RUNX1: variants seen among roughly 807,000 people sequenced by gnomAD.
RUNX1 encodes the protein RUNX family transcription factor 1.
Under a neutral mutation model 42.8 loss-of-function variants are expected in RUNX1, and 19 were observed. The observed-to-expected ratio is 0.44, with a 90% CI of 0.31 to 0.65. RUNX1 has a LOEUF of 0.65. Among genes scored for constraint, RUNX1 ranks in the 30% least tolerant of loss-of-function variants. RUNX1 has a pLI of 0.07. For synonymous variants in RUNX1, 271 were observed against 289.4 expected, an observed-to-expected ratio of 0.94 and a Z score of 0.64; for missense variants, 528 against 672.0, an observed-to-expected ratio of 0.79 and a Z score of 2.37.
intron 7 of RUNX1, chr21:34,821,635 G>T (rs760382597): frequency 6.4e-7 from 1 of 1,561,608 alleles, no homozygotes. Flanking sequence ...TCCTGGCTGG[G>T]GAGAGGGATG....
chr21:34,866,608 C>T (rs1569068118), intron 5 of RUNX1, among the ~76,000 whole-genome samples: 1 of 152,200 alleles, frequency 6.6e-6, no homozygotes, highest in Non-Finnish European at 1.5e-5. Flanking sequence ...TGCTCCTCTT[C>T]CATTTCCTTA....
intron 2 of RUNX1, among the ~76,000 whole-genome samples, chr21:34,977,762 C>T (rs1370348418): frequency 6.6e-6 from 1 of 152,162 alleles, no homozygotes; most frequent in African/African-American, 2.4e-5. Flanking sequence ...TGGAGAATGT[C>T]GCTGGAGAGG....
chr21:35,044,294 T>C (rs1220784212), intron 2 of RUNX1, among the ~76,000 whole-genome samples: 1 of 152,106 alleles, frequency 6.6e-6, no homozygotes, highest in Non-Finnish European at 1.5e-5. Flanking sequence ...TGTGTCCCTC[T>C]CTCCAGGGAG....
chr21:34,964,626 T>G (rs752152556), intron 2 of RUNX1, among the ~76,000 whole-genome samples: 1 of 152,120 alleles, frequency 6.6e-6, no homozygotes, highest in Admixed American at 6.5e-5. Flanking sequence ...AGTACAAAGT[T>G]GAGGGAGGCA....
intron 2 of RUNX1, among the ~76,000 whole-genome samples, chr21:34,911,278 A>G (rs1296688453): frequency 1.3e-5 from 2 of 152,160 alleles, no homozygotes; most frequent in East Asian, 1.9e-4. Context: ...CAATGTCGAC[A>G]ATACATTTAT....
chr21:34,931,777 A>G (rs1028207305), intron 2 of RUNX1, among the ~76,000 whole-genome samples: 9 of 151,862 alleles, frequency 5.9e-5, no homozygotes, highest in Admixed American at 2.0e-4. Flanking sequence ...GTGGCTGGCT[A>G]TCTGCATACC....
chr21:35,022,167 T>A (rs1035278687), intron 2 of RUNX1, among the ~76,000 whole-genome samples: 1 of 152,166 alleles, frequency 6.6e-6, no homozygotes, highest in Admixed American at 6.5e-5. Flanking sequence ...AGGAGCTGAT[T>A]GGCGGTTCCG....
intron 4 of RUNX1, among the ~76,000 whole-genome samples, chr21:34,882,824 C>T (rs1464631918): frequency 6.6e-6 from 1 of 151,872 alleles, no homozygotes; most frequent in Non-Finnish European, 1.5e-5. Flanking sequence ...GTTGAAATGC[C>T]CTCTTTGAAC....
rs572823387 is a variant in RUNX1 at position 34,789,677 on chromosome 21, A to T, written c.*2458T>A. 7.3e-5 allele frequency: 17 copies of T among 233,244 alleles called. No homozygotes were observed. The highest frequency in any genetic ancestry group is 4.5e-4 in the Admixed American group (8 of 17,792). The allele number at this position is 233,244 out of a possible 1,614,324, so 14.4% of individuals were successfully genotyped here. A position where few individuals can be genotyped will look rare whatever the true frequency, so the allele number is the denominator to read the frequency against. On this transcript the variant is annotated 3_prime_UTR_variant, in exon 9 of 9. Transcript: ENST00000675419. ...AACAACTACAGTTTGATTTTTTTTG[A>T]AACAATTAAATACTATATATGCTGG...
At chr21:35,017,479 T>C (rs1036686863) in intron 2 of RUNX1, among the ~76,000 whole-genome samples, 5 of 152,166 alleles carry the variant, frequency 3.3e-5, no homozygotes, top group African/African-American at 1.2e-4. Flanking sequence ...CCTAAGCAAC[T>C]GGAAAACATG....
At chr21:34,903,349 T>A (rs2834665) in intron 2 of RUNX1, among the ~76,000 whole-genome samples, 1 of 152,022 alleles carries the variant, frequency 6.6e-6, no homozygotes, top group Non-Finnish European at 1.5e-5. Context: ...TAATTCCTAT[T>A]CAATAAACAG....
chr21:34,899,340 G>A (rs1431235288), intron 2 of RUNX1, among the ~76,000 whole-genome samples: 1 of 152,156 alleles, frequency 6.6e-6, no homozygotes, highest in African/African-American at 2.4e-5. Context: ...ATTAAGATGA[G>A]GTTGTGAGGC....
chr21:34,987,190 G>A (rs1307408076), intron 2 of RUNX1, among the ~76,000 whole-genome samples: 1 of 152,208 alleles, frequency 6.6e-6, no homozygotes, highest in East Asian at 1.9e-4. Context: ...TGGTTTCCAG[G>A]TCAGACAGTC....
intron 2 of RUNX1, among the ~76,000 whole-genome samples, chr21:34,903,287 A>C (rs1307731012): frequency 6.6e-6 from 1 of 152,206 alleles, no homozygotes; most frequent in Non-Finnish European, 1.5e-5. Flanking sequence ...AAGTTTCACT[A>C]TGTATATTAC....
intron 8 of RUNX1, among the ~76,000 whole-genome samples, chr21:34,795,249 T>C (rs993467770): frequency 6.6e-6 from 1 of 152,204 alleles, no homozygotes; most frequent in Admixed American, 6.5e-5. Flanking sequence ...GGTGGATTAA[T>C]CTGTTTTTGG....
At position 34,816,399 on chromosome 21, in the gene RUNX1, C is replaced by T. The variant is rs538002099; in HGVS notation, c.806-16937G>A. Among the ~76,000 whole-genome samples, 3 of 151,054 alleles carry T rather than the reference C, an allele frequency of 2.0e-5. No individual in the cohort carries two copies. In the East Asian group the frequency reaches 5.9e-4, roughly 30 times the overall value. On this transcript the variant is annotated intron_variant, in intron 7 of 8. Transcript: ENST00000675419. The stretch of plus-strand genomic sequence containing the variant: ...AGAGTGTGTAGCGGGTGGGGGCACG[C>T]TCAGGGTTGCCTGCCTGGATGGCAT...
intron 7 of RUNX1, among the ~76,000 whole-genome samples, chr21:34,817,311 A>G (rs890354541): frequency 6.6e-6 from 1 of 152,226 alleles, no homozygotes; most frequent in African/African-American, 2.4e-5. Flanking sequence ...ATGTACATAC[A>G]GAGATACAAG....
rs1006413644 is a variant in RUNX1 at position 34,790,535 on chromosome 21, A to T, written c.*1600T>A. The T allele has an allele frequency of 4.3e-6, 1 of 233,598 alleles. No homozygotes were observed. Among genetic ancestry groups the T allele is most frequent in the Non-Finnish European group, 8.5e-6 (1 of 118,050 alleles). The allele number at this position is 233,598 out of a possible 1,614,324, so 14.5% of individuals were successfully genotyped here. A position where few individuals can be genotyped will look rare whatever the true frequency, so the allele number is the denominator to read the frequency against. The stretch of plus-strand genomic sequence containing the variant: ...TCCTCCAATAAAAATAGTGCCATAA[A>T]ATTTACAGCGACATTGGATACCTTT... On this transcript the variant is annotated 3_prime_UTR_variant, in exon 9 of 9. Transcript: ENST00000675419.
intron 5 of RUNX1, among the ~76,000 whole-genome samples, chr21:34,865,289 T>C (rs1480920970): frequency 9.5e-4 from 120 of 126,968 alleles, no homozygotes; most frequent in African/African-American, 3.7e-3. Flanking sequence ...CGTGTGTGTG[T>C]GTGTGTGTGT....
Sources: gnomAD v4.1 joint callset for allele counts (sites outside exome capture counted in the v4.1 genomes callset) on GRCh38, gnomAD v4.1.1 for gene constraint, MANE v1.5 for transcripts, NCBI Gene and HGNC (gene_info 2026-07-23, HGNC 2026-07-21) for gene names.